The following GALNT18 variants were observed in gnomAD, a reference collection of about 807,000 sequenced individuals.
The protein encoded by GALNT18 is polypeptide N-acetylgalactosaminyltransferase 18, also known as GalNAc-transferase 18.
GALNT18 carries 44 observed loss-of-function variants against 69.5 expected under a neutral mutation model. The observed-to-expected ratio is 0.63, with a 90% CI of 0.50 to 0.81. The LOEUF is 0.81. Among genes scored for constraint, GALNT18 ranks in the 40% least tolerant of loss-of-function variants. The probability of loss-of-function intolerance (pLI) is 0.00; values close to 1 mark genes in which losing one functional copy is unlikely to be tolerated. For missense variants in GALNT18, 715 were observed against 810.0 expected, an observed-to-expected ratio of 0.88 and a Z score of 1.42; for synonymous variants, 364 against 318.2, an observed-to-expected ratio of 1.14 and a Z score of -1.53.
intron 9 of GALNT18, among the ~76,000 whole-genome samples, chr11:11,304,200 A>T (rs1046635461): frequency 1.2e-4 from 18 of 152,236 alleles, no homozygotes; most frequent in Non-Finnish European, 2.2e-4. Context: ...GAGCTGTCCT[A>T]GTTCCTGCCT....
chr11:11,392,713 G>T (rs1854224434), intron 3 of GALNT18, among the ~76,000 whole-genome samples: 2 of 152,140 alleles, frequency 1.3e-5, no homozygotes, highest in Admixed American at 6.5e-5. Context: ...GGTGAACATG[G>T]GCTCACCAAG....
At chr11:11,448,721 G>A (rs1287045590) in intron 2 of GALNT18, 23 bp downstream of exon 2, 1 of 1,592,616 alleles carries the variant, frequency 6.3e-7, no homozygotes, top group Non-Finnish European at 8.6e-7. Context: ...GTCGACAAGG[G>A]CCCAGTCACT....
At position 11,304,062 on chromosome 11, in the gene GALNT18, A is replaced by G. The variant is rs572087155; in HGVS notation, c.1513-10869T>C. On this transcript the variant is annotated intron_variant, in intron 9 of 10. Coordinates refer to ENST00000227756, the MANE Select transcript of GALNT18 (RefSeq NM_198516.3). ...GAGAATGGAGCTGTTACAAAGAGCC[A>G]AGTAGACTTCTCCCAGGAATTTAAA... Among the ~76,000 whole-genome samples, 5 of 152,300 alleles carry G rather than the reference A, an allele frequency of 3.3e-5. No individual in the cohort carries two copies. The South Asian group carries it at 1.0e-3, about 32-fold the overall frequency.
intron 1 of GALNT18, among the ~76,000 whole-genome samples, chr11:11,482,007 C>T (rs1435799001): frequency 6.6e-6 from 1 of 152,218 alleles, no homozygotes; most frequent in African/African-American, 2.4e-5. Flanking sequence ...TCTTTGCTCC[C>T]CTCTAGCCAC....
chr11:11,339,248 T>A lies in GALNT18; in HGVS notation c.1278+1571A>T, dbSNP rs1391027909. Among the ~76,000 whole-genome samples, 2 of 152,168 alleles carry A rather than the reference T, an allele frequency of 1.3e-5. No homozygotes were observed. The highest frequency in any genetic ancestry group is 2.9e-5 in the Non-Finnish European group (2 of 68,026). ...TCTTGTGTTCACTTCCCCCTACCCATTTGATTTGAACTACCACCTTGAGGA... is the reference window on the plus strand; with the variant it reads ...TCTTGTGTTCACTTCCCCCTACCCAATTGATTTGAACTACCACCTTGAGGA... On this transcript the variant is annotated intron_variant, in intron 7 of 10. Transcript: ENST00000227756. This position sits in a 1 kb window ranked among gnomAD's most constrained non-coding sequence, Gnocchi z 5.2.
rs57337899 is a variant in GALNT18, at chr11:11,620,330, CGCGT to C, written c.235+1025_235+1028del. Among the ~76,000 whole-genome samples the C allele has an allele frequency of 0.41, 53,348 of 130,440 alleles. 9,865 individuals carry two copies. Among genetic ancestry groups the C allele is most frequent in the Middle Eastern group, 0.5 (128 of 254 alleles). The allele number at this position is 130,440 out of a possible 152,430, so 85.6% of individuals were successfully genotyped here. On this transcript the variant is annotated intron_variant, in intron 1 of 10. Coordinates refer to ENST00000227756, the MANE Select transcript of GALNT18 (RefSeq NM_198516.3). The surrounding 1 kb of genome is among the most constrained non-coding windows in gnomAD (Gnocchi z 6.9). ...GTGTGGACGTGAGCGCGCGCGCGCG[CGCGT>C]GTGTGTGTGTGTGTGCACACCCGGC...
At chr11:11,510,721 G>C (rs1375490365) in intron 1 of GALNT18, among the ~76,000 whole-genome samples, 1 of 152,138 alleles carries the variant, frequency 6.6e-6, no homozygotes, top group Non-Finnish European at 1.5e-5. Flanking sequence ...TGACCTGTTG[G>C]CCCATCTATC....
Position 11,602,389 on chromosome 11 carries a change from A to G in GALNT18, c.235+18970T>C, listed in dbSNP as rs1410067894. 6.6e-6 allele frequency among the ~76,000 whole-genome samples: 1 copy of G among 152,156 alleles called. No homozygotes were observed. Among genetic ancestry groups the G allele is most frequent in the African/African-American group, 2.4e-5 (1 of 41,446 alleles). On this transcript the variant is annotated intron_variant, in intron 1 of 10. Coordinates refer to ENST00000227756, the MANE Select transcript of GALNT18 (RefSeq NM_198516.3). This position sits in a 1 kb window ranked among gnomAD's most constrained non-coding sequence, Gnocchi z 4.7. Reference sequence around the variant, plus strand: ...GCTCTGCAACACAGAGCTGGGAGACATGAGAAATCCTGGTGGCCTGGCCCT... The same window carrying G: ...GCTCTGCAACACAGAGCTGGGAGACGTGAGAAATCCTGGTGGCCTGGCCCT...
At chr11:11,521,640 G>A (rs1475182702) in intron 1 of GALNT18, among the ~76,000 whole-genome samples, 1 of 152,126 alleles carries the variant, frequency 6.6e-6, no homozygotes, top group Non-Finnish European at 1.5e-5. Flanking sequence ...TCAGAAAATG[G>A]CAGAGAAGAT....
intron 1 of GALNT18, among the ~76,000 whole-genome samples, chr11:11,493,947 C>G (rs1856823913): frequency 6.6e-6 from 1 of 152,134 alleles, no homozygotes; most frequent in African/African-American, 2.4e-5. Flanking sequence ...TGGTCCAGAA[C>G]CTGGCTCTAG....
intron 9 of GALNT18, among the ~76,000 whole-genome samples, chr11:11,302,733 C>T (rs1276504751): frequency 2.0e-5 from 3 of 152,230 alleles, no homozygotes; most frequent in Non-Finnish European, 2.9e-5. Context: ...AAATCAGAGA[C>T]AGCAAAGAGC....
intron 3 of GALNT18, among the ~76,000 whole-genome samples, chr11:11,423,630 A>G (rs2133779037): frequency 6.6e-6 from 1 of 152,296 alleles, no homozygotes; most frequent in East Asian, 1.9e-4. Flanking sequence ...CTGCTGCCCA[A>G]CATCTCTCTC....
rs1434321013 is a variant in GALNT18, at chr11:11,309,836, C to T, written c.1513-16643G>A. The stretch of plus-strand genomic sequence containing the variant: ...GCCTGCAAACTTGTTCCTCCTGGGC[C>T]TCAGCAGAAGTTCATTTCCTGTGCT... On this transcript the variant is annotated intron_variant, in intron 9 of 10. Coordinates refer to ENST00000227756, the MANE Select transcript of GALNT18 (RefSeq NM_198516.3). This position sits in a 1 kb window ranked among gnomAD's most constrained non-coding sequence, Gnocchi z 4.6. Among the ~76,000 whole-genome samples, 2 of 152,168 alleles carry T rather than the reference C, an allele frequency of 1.3e-5. No homozygotes were observed. Among genetic ancestry groups the T allele is most frequent in the Non-Finnish European group, 2.9e-5 (2 of 68,034 alleles).
At chr11:11,310,205 C>T (rs1045519912) in intron 9 of GALNT18, among the ~76,000 whole-genome samples, 4 of 152,206 alleles carry the variant, frequency 2.6e-5, no homozygotes, top group Non-Finnish European at 5.9e-5. Context: ...ATGAAATGCT[C>T]CCTTGGATTC....
Position 11,383,626 on chromosome 11 carries a change from T to C in GALNT18, c.596-4362A>G, listed in dbSNP as rs1029811189. On this transcript the variant is annotated intron_variant, in intron 3 of 10. Coordinates refer to ENST00000227756, the MANE Select transcript of GALNT18 (RefSeq NM_198516.3). This position sits in a 1 kb window ranked among gnomAD's most constrained non-coding sequence, Gnocchi z 5.2. ...AATGAAGTGAGAGTTCACCCATTCA[T>C]TCATTCATTCATTCAACAAATATTG... Among the ~76,000 whole-genome samples, 5 of 152,208 alleles carry C rather than the reference T, an allele frequency of 3.3e-5. No homozygotes were observed. The highest frequency in any genetic ancestry group is 1.2e-4 in the African/African-American group (5 of 41,458).
At chr11:11,552,281 G>C (rs1858215519) in intron 1 of GALNT18, among the ~76,000 whole-genome samples, 1 of 152,160 alleles carries the variant, frequency 6.6e-6, no homozygotes, top group Non-Finnish European at 1.5e-5. Flanking sequence ...ATCTGGAAAG[G>C]AGCCCAGGAC....
Position 11,337,740 on chromosome 11 carries a change from C to T in GALNT18, c.1278+3079G>A, listed in dbSNP as rs1017643070. Among the ~76,000 whole-genome samples, 2 of 151,864 alleles carry T rather than the reference C, an allele frequency of 1.3e-5. No homozygotes were observed. The highest frequency in any genetic ancestry group is 4.8e-5 in the African/African-American group (2 of 41,312). The stretch of plus-strand genomic sequence containing the variant: ...AATTCCAAGCAGGATGAACAAGCAC[C>T]GAGGTGTGAGAAACAGCATGGCATG... On this transcript the variant is annotated intron_variant, in intron 7 of 10. Coordinates refer to ENST00000227756, the MANE Select transcript of GALNT18 (RefSeq NM_198516.3). The surrounding 1 kb of genome is among the most constrained non-coding windows in gnomAD (Gnocchi z 4.9).
chr11:11,316,254 G>A lies in GALNT18; in HGVS notation c.1512+10832C>T, dbSNP rs116210854. Among the ~76,000 whole-genome samples the A allele has an allele frequency of 5.3e-3, 800 of 152,218 alleles. 6 individuals are homozygous for A. Among genetic ancestry groups the A allele is most frequent in the African/African-American group, 0.018 (753 of 41,536 alleles). On this transcript the variant is annotated intron_variant, in intron 9 of 10. Coordinates refer to ENST00000227756, the MANE Select transcript of GALNT18 (RefSeq NM_198516.3). ...TTTCCAAACTGCACAGCCACCCAGC[G>A]CCTGGTATTCTTATTTATTTATAGA...
intron 1 of GALNT18, among the ~76,000 whole-genome samples, chr11:11,530,728 C>T (rs1857626699): frequency 6.6e-6 from 1 of 152,236 alleles, no homozygotes; most frequent in African/African-American, 2.4e-5. Flanking sequence ...GACCCAAAGC[C>T]ATTCTGGTCA....
Sources: gnomAD v4.1 joint callset for allele counts (sites outside exome capture counted in the v4.1 genomes callset) on GRCh38, gnomAD v4.1.1 for gene constraint, Gnocchi (gnomAD v3.1) non-coding constraint, MANE v1.5 for transcripts, NCBI Gene and HGNC (gene_info 2026-07-23, HGNC 2026-07-21) for gene names.